Variants in GATAD2B observed in about 807,000 individuals in gnomAD.
GATAD2B encodes transcriptional repressor p66-beta.
In GATAD2B, 8 loss-of-function variants were observed where a neutral mutation model predicts 64.3. That is an observed-to-expected ratio of 0.12 (90% CI 0.07 to 0.22). GATAD2B has a LOEUF of 0.22. Among genes scored for constraint, GATAD2B ranks in the 10% least tolerant of loss-of-function variants. The probability of loss-of-function intolerance (pLI) is 1.00; values close to 1 mark genes in which losing one functional copy is unlikely to be tolerated. For missense variants in GATAD2B, 453 were observed against 752.0 expected (o/e 0.60, Z 4.65); for synonymous variants, 281 against 271.3 (o/e 1.04, Z -0.35).
chr1:153,889,413 C>CAAAAAAAAAAAAA (rs71093299), intron 1 of GATAD2B, among the ~76,000 whole-genome samples: 1 of 67,904 alleles, frequency 1.5e-5, no homozygotes, highest in Non-Finnish European at 2.6e-5. Context: ...ACCCCGTCTC[C>CAAAAAAAAAAAAA]AAAAAAAAAA....
At chr1:153,828,726 G>GC (rs1373702192) in intron 1 of GATAD2B, among the ~76,000 whole-genome samples, 5 of 151,318 alleles carry the variant, frequency 3.3e-5, no homozygotes, top group Admixed American at 1.3e-4. Flanking sequence ...TAGGTAAACT[G>GC]CATGTCACCA....
chr1:153,833,819 A>G lies in GATAD2B; in HGVS notation c.-1-5471T>C, dbSNP rs1227826076. Among the ~76,000 whole-genome samples, 3 of 145,110 alleles carry G rather than the reference A, an allele frequency of 2.1e-5. No homozygotes were observed. The East Asian group carries it at 5.8e-4, about 28-fold the overall frequency. ...GAGCAAAACTCAGTCTCCAAAAAAA[A>G]AAAAAAAAAAAAGAAAAAAGAAATA... On this transcript the variant is annotated intron_variant, in intron 1 of 10. Transcript: ENST00000368655.
chr1:153,904,783 T>C (rs1157306098), intron 1 of GATAD2B, among the ~76,000 whole-genome samples: 1 of 152,052 alleles, frequency 6.6e-6, no homozygotes, highest in African/African-American at 2.4e-5. Flanking sequence ...CTCGGCTCAC[T>C]GCAATCTCCG....
chr1:153,866,923 G>A (rs948190170), intron 1 of GATAD2B, among the ~76,000 whole-genome samples: 11 of 152,072 alleles, frequency 7.2e-5, no homozygotes, highest in African/African-American at 2.4e-4. Context: ...TGGGATTATA[G>A]GCGCACACCA....
At chr1:153,820,774 C>A (rs985323607) in intron 2 of GATAD2B, among the ~76,000 whole-genome samples, 2 of 151,698 alleles carry the variant, frequency 1.3e-5, no homozygotes, top group African/African-American at 2.4e-5. Context: ...GGACTACAGG[C>A]ATGTGCCGCT....
chr1:153,855,225 G>T (rs939338239), intron 1 of GATAD2B, among the ~76,000 whole-genome samples: 77 of 142,314 alleles, frequency 5.4e-4, no homozygotes, highest in African/African-American at 1.7e-3. Flanking sequence ...CTTTCTTTTT[G>T]TTTTTTTTTT....
chr1:153,920,695 C>T (rs1243641050), intron 1 of GATAD2B, among the ~76,000 whole-genome samples: 2 of 152,176 alleles, frequency 1.3e-5, no homozygotes, highest in African/African-American at 4.8e-5. Flanking sequence ...AGAGTGTTCT[C>T]AAGTAAGGAA....
intron 1 of GATAD2B, among the ~76,000 whole-genome samples, chr1:153,855,235 T>TG (rs200738160): frequency 1.4e-5 from 2 of 145,588 alleles, no homozygotes; most frequent in South Asian, 2.1e-4. Flanking sequence ...GTTTTTTTTT[T>TG]TTGTTGTTGT....
intron 1 of GATAD2B, among the ~76,000 whole-genome samples, chr1:153,882,704 G>GC (rs1251070874): frequency 2.0e-5 from 3 of 152,052 alleles, no homozygotes; most frequent in African/African-American, 7.2e-5. Flanking sequence ...TTGCATTCTA[G>GC]CACCTCCTCA....
intron 2 of GATAD2B, among the ~76,000 whole-genome samples, chr1:153,825,316 A>AT (rs1176474109): frequency 1.3e-5 from 2 of 152,208 alleles, no homozygotes; most frequent in African/African-American, 4.8e-5. Flanking sequence ...ACCTACTTAT[A>AT]TAATATTCTG....
chr1:153,893,609 C>CA (rs1224448875), intron 1 of GATAD2B, among the ~76,000 whole-genome samples: 140 of 141,200 alleles, frequency 9.9e-4, no homozygotes, highest in Middle Eastern at 7.3e-3. Context: ...GACTCTGTCT[C>CA]AAAAAAAAAA....
At chr1:153,859,867 T>TTTCCTTTC (rs1676216742) in intron 1 of GATAD2B, among the ~76,000 whole-genome samples, 1 of 151,474 alleles carries the variant, frequency 6.6e-6, no homozygotes, top group African/African-American at 2.4e-5. Context: ...CCAGGCAATT[T>TTTCCTTTC]TTCCTTTCTT....
chr1:153,824,598 C>A (rs527765054), intron 2 of GATAD2B, among the ~76,000 whole-genome samples: 1 of 114,622 alleles, frequency 8.7e-6, no homozygotes, highest in Non-Finnish European at 1.7e-5. Flanking sequence ...GGCAACAGAG[C>A]GAGACTCTGC....
At chr1:153,880,403 G>A (rs1676973690) in intron 1 of GATAD2B, among the ~76,000 whole-genome samples, 1 of 152,062 alleles carries the variant, frequency 6.6e-6, no homozygotes, top group Non-Finnish European at 1.5e-5. Flanking sequence ...GGAGGCAGGG[G>A]TTGCAATGAG....
intron 1 of GATAD2B, among the ~76,000 whole-genome samples, chr1:153,894,474 CAAA>C (rs1677519111): frequency 6.6e-6 from 1 of 151,314 alleles, no homozygotes; most frequent in Non-Finnish European, 1.5e-5. Flanking sequence ...TCTCAAAAAA[CAAA>C]AAAAGACTTC....
chr1:153,921,552 G>A lies in GATAD2B; in HGVS notation c.-2+1181C>T, dbSNP rs2101975903. Reference sequence around the variant, plus strand: ...AATATATTAAGTATCCTTCGCCTCTGCTGAAATGTATTAAGTATCCCCCCA... The same window carrying A: ...AATATATTAAGTATCCTTCGCCTCTACTGAAATGTATTAAGTATCCCCCCA... On this transcript the variant is annotated intron_variant, in intron 1 of 10. Coordinates refer to ENST00000368655, the MANE Select transcript of GATAD2B (RefSeq NM_020699.4). Among the ~76,000 whole-genome samples, 4 of 152,052 alleles carry A rather than the reference G, an allele frequency of 2.6e-5. No individual in the cohort carries two copies. In the East Asian group the frequency reaches 7.7e-4, roughly 29 times the overall value.
At chr1:153,889,344 G>A (rs140766799) in intron 1 of GATAD2B, among the ~76,000 whole-genome samples, 108 of 148,000 alleles carry the variant, frequency 7.3e-4, no homozygotes, top group African/African-American at 2.2e-3. Context: ...CCCAGGAGGC[G>A]GACGTTCTGG....
chr1:153,912,324 G>C (rs1048952807), intron 1 of GATAD2B, among the ~76,000 whole-genome samples: 3 of 152,158 alleles, frequency 2.0e-5, no homozygotes, highest in Admixed American at 1.3e-4. Flanking sequence ...GGTTGACACA[G>C]CAAGAATCCG....
intron 1 of GATAD2B, among the ~76,000 whole-genome samples, chr1:153,840,985 C>T (rs1249781367): frequency 1.3e-5 from 2 of 151,756 alleles, no homozygotes; most frequent in Non-Finnish European, 2.9e-5. Context: ...GTTAGCCGGG[C>T]GTGGTGGCAT....
Sources: gnomAD v4.1 joint callset for allele counts (sites outside exome capture counted in the v4.1 genomes callset) on GRCh38, gnomAD v4.1.1 for gene constraint, MANE v1.5 for transcripts, NCBI Gene and HGNC (gene_info 2026-07-23, HGNC 2026-07-21) for gene names.